WHRN: variants seen among roughly 807,000 people sequenced by gnomAD.
WHRN encodes the protein whirlin.
Under a neutral mutation model 68.3 loss-of-function variants are expected in WHRN, and 41 were observed. The ratio of observed to expected loss-of-function variants is 0.60; its 90% confidence interval spans 0.47 to 0.78. WHRN has a LOEUF of 0.78. WHRN is among the 30% of genes least tolerant of loss of function. WHRN has a pLI of 0.00. For synonymous variants in WHRN, 560 were observed against 561.3 expected, an observed-to-expected ratio of 1.00 and a Z score of 0.03; for missense variants, 1,243 against 1,244.7, an observed-to-expected ratio of 1.00 and a Z score of 0.02.
chr9:114,439,273 A>G (rs1838163918), intron 3 of WHRN, among the ~76,000 whole-genome samples: 1 of 152,212 alleles, frequency 6.6e-6, no homozygotes, highest in Admixed American at 6.5e-5. Context: ...TGCCAGCAAA[A>G]ACAAATGAAC....
intron 1 of WHRN, among the ~76,000 whole-genome samples, chr9:114,502,106 GC>G (rs1288002903): frequency 6.6e-6 from 1 of 152,194 alleles, no homozygotes; most frequent in Non-Finnish European, 1.5e-5. Flanking sequence ...GTAACACAAA[GC>G]AGCCATCATT....
chr9:114,459,137 A>T (rs948707254), intron 3 of WHRN, among the ~76,000 whole-genome samples: 1 of 152,166 alleles, frequency 6.6e-6, no homozygotes, highest in East Asian at 1.9e-4. Context: ...GACATTCACT[A>T]AACAAGTGCT....
At chr9:114,429,022 C>T (rs1010254219) in intron 3 of WHRN, among the ~76,000 whole-genome samples, 5 of 152,070 alleles carry the variant, frequency 3.3e-5, no homozygotes, top group African/African-American at 1.2e-4. Flanking sequence ...CCTCCACCTC[C>T]TGGGTTCAAG....
chr9:114,406,408 C>T lies in WHRN; in HGVS notation c.2183G>A (p.Arg728His), dbSNP rs138767834. 88 of 1,614,120 alleles carry T rather than the reference C, an allele frequency of 5.5e-5. No individual in the cohort carries two copies. The African/African-American group carries it at 6.9e-4, about 13-fold the overall frequency. The change falls in exon 9 of 12, where the codon CGC becomes CAC. Residue 728 changes from arginine to histidine, a missense_variant. Arg to His is a conservative substitution (Grantham distance 29). Coordinates refer to ENST00000362057, the MANE Select transcript of WHRN (RefSeq NM_015404.4). The part of the protein sequence containing the change: ...NQHFVMVEVH[R>H]PDSEPDVNEV... ...ATTGACGTCTGGCTCGCTGTCGGGG[C>T]GGTGGACCTCCACCATGACAAAGTG...
chr9:114,442,383 A>C (rs185085061), intron 3 of WHRN, among the ~76,000 whole-genome samples: 2,054 of 152,306 alleles, frequency 0.013, 44 homozygotes, highest in Non-Finnish European at 0.016. Context: ...GAGAAAAAAA[A>C]TACTGAAGTA....
At chr9:114,441,504 G>T (rs1323332587) in intron 3 of WHRN, among the ~76,000 whole-genome samples, 1 of 152,188 alleles carries the variant, frequency 6.6e-6, no homozygotes, top group African/African-American at 2.4e-5. Context: ...GTGGAGAATG[G>T]CTGGTTCCAA....
At chr9:114,416,431 TG>T (rs1176472793) in intron 7 of WHRN, among the ~76,000 whole-genome samples, 2 of 152,212 alleles carry the variant, frequency 1.3e-5, no homozygotes, top group Admixed American at 6.5e-5. Context: ...AGGAATCTGG[TG>T]GGAGGTGATC....
chr9:114,403,772 T>C (rs1265606804), intron 10 of WHRN, 124 bp downstream of exon 10: 19 of 1,201,062 alleles, frequency 1.6e-5, no homozygotes, highest in South Asian at 8.5e-5. Context: ...CCTCCAGTTA[T>C]AGGGAGCTCA....
chr9:114,442,442 G>T (rs1050066711), intron 3 of WHRN, among the ~76,000 whole-genome samples: 2 of 152,214 alleles, frequency 1.3e-5, no homozygotes, highest in African/African-American at 2.4e-5. Flanking sequence ...CTTTAGACGG[G>T]AGAAGAGAAA....
At chr9:114,445,373 G>A (rs1838732269) in intron 3 of WHRN, among the ~76,000 whole-genome samples, 1 of 152,198 alleles carries the variant, frequency 6.6e-6, no homozygotes, top group Non-Finnish European at 1.5e-5. Context: ...CCTATCTAAT[G>A]TGGTCTTCAA....
intron 3 of WHRN, among the ~76,000 whole-genome samples, chr9:114,440,115 G>A (rs7863056): frequency 0.27 from 41,525 of 152,136 alleles, 5,926 homozygotes; most frequent in Admixed American, 0.34. Context: ...GTTTTACCAT[G>A]TTGGCCAGGC....
At chr9:114,420,999 T>C (rs1254975718) in intron 7 of WHRN, among the ~76,000 whole-genome samples, 1 of 152,072 alleles carries the variant, frequency 6.6e-6, no homozygotes, top group African/African-American at 2.4e-5. Context: ...CACCCTGGTC[T>C]AGGAGAGTCC....
chr9:114,492,877 C>T (rs1222806418), intron 1 of WHRN, among the ~76,000 whole-genome samples: 1 of 152,076 alleles, frequency 6.6e-6, no homozygotes, highest in Non-Finnish European at 1.5e-5. Flanking sequence ...CCATGCTGGG[C>T]ATGGTGGCGC....
rs11790057 is a variant in WHRN at position 114,468,996 on chromosome 9, C to T, written c.838-2604G>A. Among the ~76,000 whole-genome samples, 1,238 of 152,300 alleles carry T rather than the reference C, an allele frequency of 8.1e-3. 9 individuals are homozygous for T. Among genetic ancestry groups the T allele is most frequent in the Non-Finnish European group, 0.011 (749 of 68,032 alleles). ...TGCCAACTTGCTAGGTATGTGGCCC[C>T]GGCCAAGTTGCTTCACCTCTCTGTG... On this transcript the variant is annotated intron_variant, in intron 2 of 11. Coordinates refer to ENST00000362057, the MANE Select transcript of WHRN (RefSeq NM_015404.4).
intron 2 of WHRN, among the ~76,000 whole-genome samples, chr9:114,466,652 G>T (rs1409530037): frequency 6.6e-6 from 1 of 152,152 alleles, no homozygotes; most frequent in Non-Finnish European, 1.5e-5. Context: ...AGGTGCTGAG[G>T]GAGATGGCCT....
At chr9:114,451,602 G>A (rs1466099854) in intron 3 of WHRN, among the ~76,000 whole-genome samples, 2 of 151,982 alleles carry the variant, frequency 1.3e-5, no homozygotes, top group Admixed American at 6.5e-5. Flanking sequence ...AAGACCATTC[G>A]CTCCTCCCTA....
chr9:114,468,801 C>A (rs922212275), intron 2 of WHRN, among the ~76,000 whole-genome samples: 5 of 152,192 alleles, frequency 3.3e-5, no homozygotes, highest in African/African-American at 1.2e-4. Context: ...AGTAACCCAG[C>A]CCCCATGATC....
rs12235949 is a variant in WHRN, at chr9:114,404,639, T to C, written c.2237-562A>G. ...AGCCTGGCCCCTGAGTTTGAGACCC[T>C]AACTTAAGAACACACACTCTGGAGT... is the stretch of plus-strand genomic sequence containing the variant. On this transcript the variant is annotated intron_variant, in intron 9 of 11. Coordinates refer to ENST00000362057, the MANE Select transcript of WHRN (RefSeq NM_015404.4). 2.4e-3 allele frequency among the ~76,000 whole-genome samples: 364 copies of C among 152,002 alleles called. 9 individuals carry two copies. In the East Asian group the frequency reaches 0.036, roughly 15 times the overall value.
At chr9:114,469,128 T>C in intron 2 of WHRN, among the ~76,000 whole-genome samples, 1 of 152,206 alleles carries the variant, frequency 6.6e-6, no homozygotes, top group Middle Eastern at 3.2e-3. Flanking sequence ...GGGTCGTGGC[T>C]GGCACAGGGA....
Sources: gnomAD v4.1 joint callset for allele counts (sites outside exome capture counted in the v4.1 genomes callset) on GRCh38, gnomAD v4.1.1 for gene constraint, MANE v1.5 for transcripts, NCBI Gene and HGNC (gene_info 2026-07-23, HGNC 2026-07-21) for gene names.